The following AGAP1 variants were observed in gnomAD, a reference collection of about 807,000 sequenced individuals.
AGAP1 encodes the protein arf-GAP with GTPase, ANK repeat and PH domain-containing protein 1.
A neutral mutation model predicts 105.3 loss-of-function variants in AGAP1; 29 were observed. That is an observed-to-expected ratio of 0.28 (90% CI 0.21 to 0.38). The LOEUF (loss-of-function observed/expected upper bound fraction) is 0.38, where lower values mean the gene tolerates loss of function less well. Among genes scored for constraint, AGAP1 ranks in the 10% least tolerant of loss-of-function variants. The probability of loss-of-function intolerance (pLI) is 1.00; values close to 1 mark genes in which losing one functional copy is unlikely to be tolerated. For missense variants in AGAP1, 998 were observed against 1,165.1 expected (o/e 0.86, Z 2.09); for synonymous variants, 509 against 485.9 (o/e 1.05, Z -0.63).
At chr2:235,673,018 T>C (rs190130158) in intron 1 of AGAP1, among the ~76,000 whole-genome samples, 75 of 152,342 alleles carry the variant, frequency 4.9e-4, no homozygotes, top group South Asian at 1.9e-3. Context: ...TGAACTACAT[T>C]ATAGCCATAT....
rs1944803139 is a variant in AGAP1, at chr2:235,578,238, G to C, written c.163+83389G>C. On this transcript the variant is annotated intron_variant, in intron 1 of 17. Coordinates refer to ENST00000304032, the MANE Select transcript of AGAP1 (RefSeq NM_001037131.3). The surrounding 1 kb of genome is among the most constrained non-coding windows in gnomAD (Gnocchi z 4.9). ...TGTCAGAGCCAGCCTGAGCTCCACGGTGCCCGTCTCCTACCTGCACTGTGC... is the reference window on the plus strand; with the variant it reads ...TGTCAGAGCCAGCCTGAGCTCCACGCTGCCCGTCTCCTACCTGCACTGTGC... 6.6e-6 allele frequency among the ~76,000 whole-genome samples: 1 copy of C among 152,094 alleles called. No individual in the cohort carries two copies. The highest frequency in any genetic ancestry group is 6.5e-5 in the Admixed American group (1 of 15,278).
intron 1 of AGAP1, chr2:235,671,100 G>A: frequency 1.6e-6 from 2 of 1,252,152 alleles, no homozygotes; most frequent in Non-Finnish European, 2.0e-6. Flanking sequence ...AAGGGGCGTG[G>A]TGGGGACTTG....
chr2:235,841,353 T>C (rs1373088695), intron 9 of AGAP1, among the ~76,000 whole-genome samples: 2 of 152,186 alleles, frequency 1.3e-5, no homozygotes, highest in Non-Finnish European at 2.9e-5. Context: ...CTTACGGGCC[T>C]GATGCGGTGG....
chr2:235,603,207 G>C (rs917553738), intron 1 of AGAP1, among the ~76,000 whole-genome samples: 9 of 152,010 alleles, frequency 5.9e-5, no homozygotes, highest in Middle Eastern at 3.2e-3. Flanking sequence ...AACCCCTTTT[G>C]CTCGGCTCTC....
Position 236,001,679 on chromosome 2 carries a change from G to A in AGAP1, c.1645+33056G>A, listed in dbSNP as rs1182196981. On this transcript the variant is annotated intron_variant, in intron 13 of 17. Coordinates refer to ENST00000304032, the MANE Select transcript of AGAP1 (RefSeq NM_001037131.3). The surrounding 1 kb of genome is among the most constrained non-coding windows in gnomAD (Gnocchi z 4.7). ...GTAGAACGTCACATCCTGGAGGGGC[G>A]GGGATTTCCCCTTTTGTTTTGTTTC... is the stretch of plus-strand genomic sequence containing the variant. 2.0e-5 allele frequency among the ~76,000 whole-genome samples: 3 copies of A among 152,150 alleles called. No individual in the cohort carries two copies. Among genetic ancestry groups the A allele is most frequent in the African/African-American group, 4.8e-5 (2 of 41,452 alleles).
intron 12 of AGAP1, among the ~76,000 whole-genome samples, chr2:235,947,170 C>G (rs59567093): frequency 0.071 from 10,774 of 152,004 alleles, 906 homozygotes; most frequent in African/African-American, 0.2. Flanking sequence ...TTTGGTGCAC[C>G]CATCACCCGA....
intron 1 of AGAP1, among the ~76,000 whole-genome samples, chr2:235,501,740 T>C (rs376203372): frequency 6.6e-6 from 1 of 152,178 alleles, no homozygotes; most frequent in East Asian, 1.9e-4. Flanking sequence ...CGTTTCGTCT[T>C]ATGTTTCTCT....
At chr2:235,782,517 T>C (rs1013283067) in intron 6 of AGAP1, among the ~76,000 whole-genome samples, 1 of 152,232 alleles carries the variant, frequency 6.6e-6, no homozygotes, top group Non-Finnish European at 1.5e-5. Flanking sequence ...TTTAATTCTT[T>C]AGATGGGTGC....
At position 235,989,060 on chromosome 2, in the gene AGAP1, A is replaced by G. The variant is rs778988174; in HGVS notation, c.1645+20437A>G. Among the ~76,000 whole-genome samples the G allele has an allele frequency of 1.3e-5, 2 of 152,194 alleles. No individual in the cohort carries two copies. The highest frequency in any genetic ancestry group is 2.4e-5 in the African/African-American group (1 of 41,456). The stretch of plus-strand genomic sequence containing the variant: ...GGTTTTTCTGTTCTTCAGAGTTTGC[A>G]TCCCCTGAGAATTCCTCTCCTGTGT... On this transcript the variant is annotated intron_variant, in intron 13 of 17. Transcript: ENST00000304032. The surrounding 1 kb of genome is among the most constrained non-coding windows in gnomAD (Gnocchi z 4.4).
At position 235,973,864 on chromosome 2, in the gene AGAP1, A is replaced by AC. The variant is rs2054753743; in HGVS notation, c.1645+5243dup. Among the ~76,000 whole-genome samples the AC allele has an allele frequency of 6.6e-6, 1 of 152,172 alleles. No individual in the cohort carries two copies. The highest frequency in any genetic ancestry group is 2.4e-5 in the African/African-American group (1 of 41,438). On this transcript the variant is annotated intron_variant, in intron 13 of 17. Coordinates refer to ENST00000304032, the MANE Select transcript of AGAP1 (RefSeq NM_001037131.3). This position sits in a 1 kb window ranked among gnomAD's most constrained non-coding sequence, Gnocchi z 4.7. ...ATTGCACCACGGCCCTGGATTCCCA[A>AC]CCAGGTCCAAGTTCAAGGGTATGTG...
chr2:236,019,112 G>T (rs2056804866), intron 13 of AGAP1, among the ~76,000 whole-genome samples: 1 of 152,204 alleles, frequency 6.6e-6, no homozygotes, highest in Admixed American at 6.5e-5. Flanking sequence ...TCACAGTTCT[G>T]AGACTTCCAA....
chr2:235,869,420 TAAAAAAAAAAAAAAAAAAA>T lies in AGAP1; in HGVS notation c.1051-13912_1051-13894del, dbSNP rs35813316. Reference sequence around the variant, plus strand: ...CAACATGGTGAAACTCCATCTCTACTAAAAAAAAAAAAAAAAAAAAAAAAAAAAAAATTAGCCGGGCGTG... The same window carrying T: ...CAACATGGTGAAACTCCATCTCTACTAAAAAAAAAAAATTAGCCGGGCGTG... On this transcript the variant is annotated intron_variant, in intron 9 of 17. Coordinates refer to ENST00000304032, the MANE Select transcript of AGAP1 (RefSeq NM_001037131.3). Among the ~76,000 whole-genome samples, 5 of 49,960 alleles carry T rather than the reference TAAAAAAAAAAAAAAAAAAA, an allele frequency of 1.0e-4. No individual in the cohort carries two copies. The Admixed American group carries it at 1.1e-3, about 11-fold the overall frequency. The allele number at this position is 49,960 out of a possible 152,430, so 32.8% of individuals were successfully genotyped here.
chr2:235,807,229 T>G lies in AGAP1; in HGVS notation c.958-10T>G. ...CTTACCCAGATGCCAACTTTCCTTTTGCTTTGCAGTCTCGGAAAGGGAGCG... is the reference window on the plus strand; with the variant it reads ...CTTACCCAGATGCCAACTTTCCTTTGGCTTTGCAGTCTCGGAAAGGGAGCG... On this transcript the variant is annotated splice_polypyrimidine_tract_variant and intron_variant, in intron 8 of 17. Transcript: ENST00000304032. The G allele has an allele frequency of 3.1e-6, 5 of 1,609,316 alleles. No individual in the cohort carries two copies. The highest frequency in any genetic ancestry group is 3.4e-6 in the Non-Finnish European group (4 of 1,178,830).
chr2:236,088,581 T>G (rs1314555051), intron 16 of AGAP1, among the ~76,000 whole-genome samples: 1 of 152,252 alleles, frequency 6.6e-6, no homozygotes, highest in African/African-American at 2.4e-5. Flanking sequence ...TCCAGGCAGA[T>G]TCATAGATGC....
chr2:235,929,923 A>C (rs2052640107), intron 11 of AGAP1, among the ~76,000 whole-genome samples: 1 of 152,208 alleles, frequency 6.6e-6, no homozygotes, highest in African/African-American at 2.4e-5. Context: ...TCTGAACTAA[A>C]ACAATTGGAA....
intron 1 of AGAP1, among the ~76,000 whole-genome samples, chr2:235,513,219 G>A (rs1417032936): frequency 6.8e-6 from 1 of 146,274 alleles, no homozygotes; most frequent in Non-Finnish European, 1.5e-5. Context: ...CTGAGGGTGG[G>A]TTAAAATGCA....
intron 16 of AGAP1, among the ~76,000 whole-genome samples, chr2:236,097,991 TTC>T (rs2059236944): frequency 6.6e-6 from 1 of 152,176 alleles, no homozygotes; most frequent in South Asian, 2.1e-4. Flanking sequence ...ATATTAGAAT[TTC>T]TGTCCCTGAA....
intron 16 of AGAP1, among the ~76,000 whole-genome samples, chr2:236,079,529 C>CA (rs201191220): frequency 9.0e-4 from 122 of 135,994 alleles, no homozygotes; most frequent in African/African-American, 1.5e-3. Flanking sequence ...GACCTCGTCT[C>CA]AAAAAAAAAA....
Position 235,989,654 on chromosome 2 carries a change from A to G in AGAP1, c.1645+21031A>G, listed in dbSNP as rs139345478. The stretch of plus-strand genomic sequence containing the variant: ...AGGGGATTAGGAGAGTTCGGGCTGC[A>G]CCAGCTCCTGGGTGTTGGTTGGAGA... On this transcript the variant is annotated intron_variant, in intron 13 of 17. Coordinates refer to ENST00000304032, the MANE Select transcript of AGAP1 (RefSeq NM_001037131.3). The surrounding 1 kb of genome is among the most constrained non-coding windows in gnomAD (Gnocchi z 4.4). Among the ~76,000 whole-genome samples the G allele has an allele frequency of 2.6e-4, 40 of 152,302 alleles. No homozygotes were observed. Among genetic ancestry groups the G allele is most frequent in the African/African-American group, 9.1e-4 (38 of 41,574 alleles).
Sources: gnomAD v4.1 joint callset for allele counts (sites outside exome capture counted in the v4.1 genomes callset) on GRCh38, gnomAD v4.1.1 for gene constraint, Gnocchi (gnomAD v3.1) non-coding constraint, MANE v1.5 for transcripts, NCBI Gene and HGNC (gene_info 2026-07-23, HGNC 2026-07-21) for gene names.